Variants in CALN1 observed in about 807,000 individuals in gnomAD.
CALN1 encodes calcium-binding protein 8.
CALN1 carries 17 observed loss-of-function variants against 30.6 expected under a neutral mutation model. The observed-to-expected ratio is 0.56, with a 90% CI of 0.38 to 0.83. The LOEUF (loss-of-function observed/expected upper bound fraction) is 0.83. CALN1 is among the 40% of genes least tolerant of loss of function. CALN1 has a pLI of 0.00. For missense variants in CALN1, 291 were observed against 354.9 expected, an observed-to-expected ratio of 0.82 and a Z score of 1.45; for synonymous variants, 156 against 131.4, an observed-to-expected ratio of 1.19 and a Z score of -1.28.
intron 2 of CALN1, among the ~76,000 whole-genome samples, chr7:72,309,969 G>C (rs1169248151): frequency 1.3e-5 from 2 of 152,110 alleles, no homozygotes; most frequent in Non-Finnish European, 2.9e-5. Context: ...TCTTCCCTGA[G>C]CACTGCACCC....
intron 3 of CALN1, among the ~76,000 whole-genome samples, chr7:72,247,891 G>A (rs1443999503): frequency 6.6e-6 from 1 of 152,178 alleles, no homozygotes. Flanking sequence ...CCAGCTACTT[G>A]GAAGGCTGAG....
At chr7:72,461,840 T>A in the CALN1 span, among the ~76,000 whole-genome samples, 1 of 152,130 alleles carries the variant, frequency 6.6e-6, no homozygotes, top group Non-Finnish European at 1.5e-5. Flanking sequence ...AAACCCCGTT[T>A]CTACTAAAAA....
At chr7:72,011,504 G>T (rs1255301387) in intron 5 of CALN1, among the ~76,000 whole-genome samples, 2 of 152,214 alleles carry the variant, frequency 1.3e-5, no homozygotes, top group Non-Finnish European at 2.9e-5. Flanking sequence ...TCCTGAACCT[G>T]CCTTTGATCA....
At chr7:72,441,896 C>T (rs1395483051) in intron 1 of CALN1, among the ~76,000 whole-genome samples, 1 of 152,092 alleles carries the variant, frequency 6.6e-6, no homozygotes, top group Non-Finnish European at 1.5e-5. Flanking sequence ...AAATCTCTCT[C>T]GTGAACCCAG....
intron 3 of CALN1, among the ~76,000 whole-genome samples, chr7:72,264,832 C>T (rs1338627594): frequency 6.6e-6 from 1 of 152,198 alleles, no homozygotes; most frequent in Non-Finnish European, 1.5e-5. Context: ...TCTCCCTCCT[C>T]CTACCTGCCT....
At chr7:72,142,337 G>A (rs1160474925) in intron 3 of CALN1, among the ~76,000 whole-genome samples, 1 of 152,174 alleles carries the variant, frequency 6.6e-6, no homozygotes, top group Non-Finnish European at 1.5e-5. Flanking sequence ...TCCGTGCCTG[G>A]CTCAGAGGAT....
intron 2 of CALN1, among the ~76,000 whole-genome samples, chr7:72,368,128 T>C (rs1394863530): frequency 6.6e-6 from 1 of 151,514 alleles, no homozygotes; most frequent in African/African-American, 2.4e-5. Context: ...TCTCAAAAAA[T>C]ACATATCTGT....
At chr7:71,794,963 G>T (rs892900442) in intron 6 of CALN1, among the ~76,000 whole-genome samples, 2 of 152,158 alleles carry the variant, frequency 1.3e-5, no homozygotes, top group Non-Finnish European at 2.9e-5. Context: ...AGCCAAGCAG[G>T]TCTCCTCATT....
intron 6 of CALN1, among the ~76,000 whole-genome samples, chr7:71,798,615 C>CTTTTTTT (rs34161533): frequency 8.7e-6 from 1 of 114,830 alleles, no homozygotes; most frequent in African/African-American, 3.6e-5. Flanking sequence ...TGGTAAGAGT[C>CTTTTTTT]TTTTTTTTTT....
chr7:71,997,827 T>C (rs754080320), intron 5 of CALN1, among the ~76,000 whole-genome samples: 3 of 152,180 alleles, frequency 2.0e-5, no homozygotes, highest in South Asian at 2.1e-4. Flanking sequence ...TTTTATTATT[T>C]ATTTAGTTTT....
At chr7:72,029,407 C>T (rs1313041623) in intron 4 of CALN1, among the ~76,000 whole-genome samples, 1 of 152,176 alleles carries the variant, frequency 6.6e-6, no homozygotes, top group Admixed American at 6.5e-5. Context: ...AGCCACCGTG[C>T]CTGGCCAATA....
intron 5 of CALN1, among the ~76,000 whole-genome samples, chr7:72,004,940 G>A (rs186583381): frequency 5.9e-5 from 9 of 152,266 alleles, no homozygotes; most frequent in African/African-American, 1.9e-4. Context: ...AACTGCAGTT[G>A]AGAGATCACT....
At chr7:71,883,383 T>C (rs1349493001) in intron 5 of CALN1, among the ~76,000 whole-genome samples, 6 of 152,164 alleles carry the variant, frequency 3.9e-5, no homozygotes, top group Non-Finnish European at 8.8e-5. Flanking sequence ...ATCCCATCTT[T>C]ACAAAAACCA....
intron 3 of CALN1, among the ~76,000 whole-genome samples, chr7:72,141,486 C>A (rs1002950763): frequency 1.3e-5 from 2 of 151,928 alleles, no homozygotes; most frequent in Admixed American, 6.6e-5. Context: ...GACCACCGAC[C>A]CTTCGGCTAG....
At chr7:72,231,786 C>A (rs539033003) in intron 3 of CALN1, among the ~76,000 whole-genome samples, 2 of 152,326 alleles carry the variant, frequency 1.3e-5, no homozygotes, top group South Asian at 2.1e-4. Context: ...TTGCTGATAA[C>A]CCCACCCTTA....
At chr7:72,375,697 G>C (rs113011648) in intron 2 of CALN1, among the ~76,000 whole-genome samples, 5 of 152,106 alleles carry the variant, frequency 3.3e-5, no homozygotes, top group African/African-American at 1.2e-4. Context: ...GCCCAGGCTG[G>C]TCTTGAACTC....
At chr7:71,953,372 C>A (rs1048110357) in intron 5 of CALN1, among the ~76,000 whole-genome samples, 1 of 152,076 alleles carries the variant, frequency 6.6e-6, no homozygotes, top group Non-Finnish European at 1.5e-5. Flanking sequence ...TAAGTAGATG[C>A]GTATCAACAC....
At chr7:71,963,438 GGT>G (rs1337731475) in intron 5 of CALN1, among the ~76,000 whole-genome samples, 1 of 152,106 alleles carries the variant, frequency 6.6e-6, no homozygotes, top group Non-Finnish European at 1.5e-5. Context: ...TGGGATTACA[GGT>G]GTGAGCCACT....
intron 2 of CALN1, among the ~76,000 whole-genome samples, chr7:72,375,102 T>C (rs1324678924): frequency 1.3e-5 from 2 of 152,338 alleles, no homozygotes; most frequent in South Asian, 2.1e-4. Flanking sequence ...TAATTTGTTA[T>C]TGCTGCATAA....
Sources: allele counts gnomAD v4.1 joint callset (sites outside exome capture counted in the v4.1 genomes callset), GRCh38; gene constraint gnomAD v4.1.1; transcripts MANE v1.5; gene names NCBI Gene and HGNC (gene_info 2026-07-23, HGNC 2026-07-21).